Variants in LPP observed in about 807,000 individuals in gnomAD.
LPP encodes the protein lipoma-preferred partner.
In LPP, 38 loss-of-function variants were observed where a neutral mutation model predicts 60.4. The ratio of observed to expected loss-of-function variants is 0.63; its 90% CI spans 0.49 to 0.83. The LOEUF is 0.83. LPP is among the 40% of genes least tolerant of loss of function. LPP has a pLI of 0.00. For synonymous variants in LPP, 328 were observed against 290.8 expected, an observed-to-expected ratio of 1.13 and a Z score of -1.30; for missense variants, 902 against 783.6, an observed-to-expected ratio of 1.15 and a Z score of -1.80.
chr3:188,417,725 T>C (rs1215103394), intron 4 of LPP, among the ~76,000 whole-genome samples: 2 of 152,214 alleles, frequency 1.3e-5, no homozygotes, highest in African/African-American at 4.8e-5. Context: ...GAAGTACTAT[T>C]GCTATCTCTC....
chr3:188,253,335 C>T (rs1267952523), intron 2 of LPP, among the ~76,000 whole-genome samples: 1 of 152,084 alleles, frequency 6.6e-6, no homozygotes, highest in South Asian at 2.1e-4. Flanking sequence ...TCTTAACACC[C>T]GTGTTATCTG....
chr3:188,540,886 T>A (rs1319153336), intron 6 of LPP, among the ~76,000 whole-genome samples: 1 of 152,220 alleles, frequency 6.6e-6, no homozygotes, highest in Non-Finnish European at 1.5e-5. Flanking sequence ...ACTTATGATA[T>A]CTGAGGACAT....
intron 9 of LPP, among the ~76,000 whole-genome samples, chr3:188,820,822 CAAAATCA>C (rs1242256397): frequency 1.3e-5 from 2 of 152,108 alleles, no homozygotes; most frequent in Admixed American, 1.3e-4. Flanking sequence ...AATGTTTTCA[CAAAATCA>C]GCATCGTTAT....
At position 188,881,710 on chromosome 3, in the gene LPP, C is replaced by T. The variant is rs185292967; in HGVS notation, c.*7231C>T. ...AATGCATATGCCATCCATGAGATTC[C>T]CACTTCTGGGTCAGTTCATATTCCA... On this transcript the variant is annotated 3_prime_UTR_variant, in exon 12 of 12. Transcript: ENST00000617246. The T allele has an allele frequency of 1.3e-3, 292 of 226,376 alleles. No individual in the cohort carries two copies. The highest frequency in any genetic ancestry group is 2.2e-3 in the Non-Finnish European group (249 of 113,718). The allele number at this position is 226,376 out of a possible 1,614,324, so 14.0% of individuals were successfully genotyped here.
chr3:188,289,982 C>T (rs1300983297), intron 2 of LPP, among the ~76,000 whole-genome samples: 1 of 150,994 alleles, frequency 6.6e-6, no homozygotes, highest in Admixed American at 6.6e-5. Context: ...TGGAAGTGCT[C>T]ATAAACATGC....
At chr3:188,234,622 G>T (rs1158505029) in intron 2 of LPP, among the ~76,000 whole-genome samples, 1 of 152,170 alleles carries the variant, frequency 6.6e-6, no homozygotes. Flanking sequence ...ATGGTTAAAA[G>T]CTACACATTT....
rs139439792 is a variant in LPP at position 188,328,508 on chromosome 3, G to A, written c.-66-13155G>A. Among the ~76,000 whole-genome samples, 563 of 152,188 alleles carry A rather than the reference G, an allele frequency of 3.7e-3. 2 individuals are homozygous for A. Among genetic ancestry groups the A allele is most frequent in the Non-Finnish European group, 6.3e-3 (430 of 67,990 alleles). On this transcript the variant is annotated intron_variant, in intron 2 of 11. Coordinates refer to ENST00000617246, the MANE Select transcript of LPP (RefSeq NM_001375462.1). ...ACTTGAAAACATGAATTTTATTTTTGGCTACAAATACTGTTGTTTTCCTTG... is the reference window on the plus strand; with the variant it reads ...ACTTGAAAACATGAATTTTATTTTTAGCTACAAATACTGTTGTTTTCCTTG...
In LPP at chr3:188,430,844, AT is replaced by A. The variant is rs199875917; in HGVS notation, c.193+24541del. ...CTTCCCCACCCAGCTCAACATTGAG[AT>A]TTTTTTTTTATATGTAGAAGTTATT... On this transcript the variant is annotated intron_variant, in intron 4 of 11. Coordinates refer to ENST00000617246, the MANE Select transcript of LPP (RefSeq NM_001375462.1). Among the ~76,000 whole-genome samples, 779 of 149,696 alleles carry A rather than the reference AT, an allele frequency of 5.2e-3. 6 individuals are homozygous for A. Among genetic ancestry groups the A allele is most frequent in the African/African-American group, 0.016 (651 of 40,926 alleles).
chr3:188,684,805 G>C lies in LPP; in HGVS notation c.1114-23462G>C, dbSNP rs151313114. On this transcript the variant is annotated intron_variant, in intron 7 of 11. Transcript: ENST00000617246. ...TGTTACTGTGTCATCTCTCATGCAT[G>C]GTATAGGATGATGATGGTGCTCAAA... 3.0e-4 allele frequency among the ~76,000 whole-genome samples: 46 copies of C among 151,672 alleles called. 1 individual carries two copies. The East Asian group carries it at 7.4e-3, about 24-fold the overall frequency.
intron 9 of LPP, among the ~76,000 whole-genome samples, chr3:188,781,827 C>T (rs979569765): frequency 6.7e-5 from 10 of 149,150 alleles, no homozygotes; most frequent in Admixed American, 2.0e-4. Context: ...GGGAGGCGGA[C>T]GTTGCAGTGA....
chr3:188,168,861 G>T (rs931834308), intron 1 of LPP, among the ~76,000 whole-genome samples: 45 of 152,100 alleles, frequency 3.0e-4, no homozygotes, highest in African/African-American at 1.1e-3. Flanking sequence ...CACCACAGTT[G>T]GTAACAACCA....
intron 6 of LPP, among the ~76,000 whole-genome samples, chr3:188,605,348 T>C (rs2151286987): frequency 6.6e-6 from 1 of 152,276 alleles, no homozygotes; most frequent in Non-Finnish European, 1.5e-5. Flanking sequence ...GATTTAGTTC[T>C]TGAATGGAAA....
intron 4 of LPP, among the ~76,000 whole-genome samples, chr3:188,446,574 C>T (rs963107949): frequency 6.6e-6 from 1 of 152,126 alleles, no homozygotes. Flanking sequence ...ATCTCCTTTT[C>T]TAAACTCATT....
At position 188,498,284 on chromosome 3, in the gene LPP, G is replaced by A. The variant is rs917905556; in HGVS notation, c.306+13580G>A. Among the ~76,000 whole-genome samples the A allele has an allele frequency of 6.6e-5, 10 of 152,210 alleles. No homozygotes were observed. In the South Asian group the frequency reaches 2.1e-3, roughly 32 times the overall value. ...ATTCATATTGTTGCAACTGTCACCA[G>A]TATCCATCTTCAGAACTCATTTCAT... On this transcript the variant is annotated intron_variant, in intron 5 of 11. Coordinates refer to ENST00000617246, the MANE Select transcript of LPP (RefSeq NM_001375462.1).
chr3:188,240,615 T>G (rs188901656), intron 2 of LPP, among the ~76,000 whole-genome samples: 2 of 152,238 alleles, frequency 1.3e-5, no homozygotes, highest in African/African-American at 4.8e-5. Context: ...ACCAGCAACA[T>G]ATTTGGGTAG....
chr3:188,358,359 G>A (rs1481922982), intron 3 of LPP, among the ~76,000 whole-genome samples: 7 of 152,166 alleles, frequency 4.6e-5, no homozygotes, highest in South Asian at 2.1e-4. Flanking sequence ...TTTCCTGTAC[G>A]TTGTGAGGCT....
chr3:188,739,200 G>GA (rs991809020), intron 8 of LPP, among the ~76,000 whole-genome samples: 54 of 152,112 alleles, frequency 3.6e-4, no homozygotes, highest in African/African-American at 1.2e-3. Context: ...ACAACCCTAT[G>GA]AAAAAATGGA....
chr3:188,473,805 C>G (rs1579175988), intron 4 of LPP, among the ~76,000 whole-genome samples: 1 of 152,280 alleles, frequency 6.6e-6, no homozygotes, highest in East Asian at 1.9e-4. Flanking sequence ...TAAGGCTTAT[C>G]AACAGATCTT....
At chr3:188,558,923 T>C (rs1464061443) in intron 6 of LPP, among the ~76,000 whole-genome samples, 1 of 152,086 alleles carries the variant, frequency 6.6e-6, no homozygotes, top group Non-Finnish European at 1.5e-5. Flanking sequence ...TTTGAATTCG[T>C]GGTGGAAAGG....
Sources: gnomAD v4.1 joint callset for allele counts (sites outside exome capture counted in the v4.1 genomes callset) on GRCh38, gnomAD v4.1.1 for gene constraint, MANE v1.5 for transcripts, NCBI Gene and HGNC (gene_info 2026-07-23, HGNC 2026-07-21) for gene names.